RGPD3: variants seen among roughly 807,000 people sequenced by gnomAD.
The protein encoded by RGPD3 is RANBP2 like and GRIP domain containing 3, also known as ranBP2-like and GRIP domain-containing protein 3.
In RGPD3, 62 loss-of-function variants were observed where a neutral mutation model predicts 154.5. The observed-to-expected ratio is 0.40, with a 90% confidence interval of 0.33 to 0.50. The LOEUF (loss-of-function observed/expected upper bound fraction) is 0.50. RGPD3 is among the 20% of genes least tolerant of loss of function. The pLI, the probability that RGPD3 is intolerant of heterozygous loss-of-function variation, is 0.59. For synonymous variants in RGPD3, 308 were observed against 607.0 expected (o/e 0.51, Z 7.24); for missense variants, 919 against 1,716.8 (o/e 0.54, Z 8.21).
At chr2:106,468,186 G>T (rs556201525) in intron 1 of RGPD3, 31 bp downstream of exon 1, 1 of 1,584,354 alleles carries the variant, frequency 6.3e-7, no homozygotes. Flanking sequence ...CGGCCAGGTC[G>T]AGGCCGTCGG....
At chr2:106,466,475 C>G (rs1378613346) in intron 1 of RGPD3, among the ~76,000 whole-genome samples, 1 of 131,344 alleles carries the variant, frequency 7.6e-6, no homozygotes, top group Non-Finnish European at 1.7e-5. Flanking sequence ...TCGAGGCCGG[C>G]GCCTCAACAG....
chr2:106,449,826 G>C (rs1678055175), intron 6 of RGPD3, among the ~76,000 whole-genome samples: 1 of 151,614 alleles, frequency 6.6e-6, no homozygotes, highest in Non-Finnish European at 1.5e-5. Flanking sequence ...GACCATCCTG[G>C]CTAACACAGT....
intron 1 of RGPD3, among the ~76,000 whole-genome samples, chr2:106,464,245 G>A: frequency 6.6e-6 from 1 of 151,630 alleles, no homozygotes; most frequent in East Asian, 1.9e-4. Context: ...ACAGGCTGGG[G>A]CAGGAGAATG....
intron 18 of RGPD3, among the ~76,000 whole-genome samples, chr2:106,427,079 T>C (rs1677222181): frequency 6.6e-6 from 1 of 150,934 alleles, no homozygotes; most frequent in Admixed American, 6.6e-5. Context: ...AAAAAAAAAA[T>C]CTTAGTCTGA....
intron 22 of RGPD3, among the ~76,000 whole-genome samples, chr2:106,411,445 T>G (rs1321343957): frequency 7.0e-6 from 1 of 142,036 alleles, no homozygotes; most frequent in Non-Finnish European, 1.5e-5. Context: ...AACCCAAATA[T>G]AGAACTGCTA....
chr2:106,439,101 G>C lies in RGPD3; in HGVS notation c.1143C>G (p.Ser381Arg). The C allele has an allele frequency of 5.2e-6, 1 of 191,112 alleles. No homozygotes were observed. Among genetic ancestry groups the C allele is most frequent in the South Asian group, 4.7e-5 (1 of 21,154 alleles). 11.8% of individuals were successfully genotyped at this position (191,112 alleles called of 1,614,324 possible). The change falls in exon 9 of 23, where the codon AGC becomes AGG. Residue 381 changes from serine (S) to arginine (R), a missense_variant. Coordinates refer to ENST00000409886, the MANE Select transcript of RGPD3 (RefSeq NM_001144013.2). ...GAGCATCATATAATGCAGACTGCCC[G>C]CTTTTGTTGGCAAAAGTTTCAACAA... Reference protein sequence around the residue: ...KVVVETFANKSGQSALYDALF... With the variant: ...KVVVETFANKRGQSALYDALF...
chr2:106,468,052 G>C (rs571381135), intron 1 of RGPD3, among the ~76,000 whole-genome samples, 165 bp downstream of exon 1: 3 of 141,822 alleles, frequency 2.1e-5, no homozygotes, highest in South Asian at 4.4e-4. Flanking sequence ...CTGAGCCATC[G>C]AGGCCGCCGC....
intron 15 of RGPD3, 110 bp downstream of exon 15, chr2:106,434,118 A>T: frequency 6.3e-7 from 1 of 1,585,278 alleles, no homozygotes; most frequent in Non-Finnish European, 8.6e-7. Context: ...GTGCATTAAT[A>T]ACAACATATT....
At position 106,414,294 on chromosome 2, in the gene RGPD3, G is replaced by C. The variant is rs1222678682; in HGVS notation, c.5065-1009C>G. Among the ~76,000 whole-genome samples the C allele has an allele frequency of 2.0e-5, 3 of 152,246 alleles. No individual in the cohort carries two copies. The East Asian group carries it at 5.8e-4, about 29-fold the overall frequency. On this transcript the variant is annotated intron_variant, in intron 21 of 22. Coordinates refer to ENST00000409886, the MANE Select transcript of RGPD3 (RefSeq NM_001144013.2). ...CATTTAAAAAAGTGACAATAAAGAA[G>C]ATGAAGAAATCATGAAGAGAGTATA... is the stretch of plus-strand genomic sequence containing the variant.
chr2:106,441,527 T>C lies in RGPD3; in HGVS notation c.979-147A>G, dbSNP rs1677741086. 2.3e-6 allele frequency: 3 copies of C among 1,296,882 alleles called. No individual in the cohort carries two copies. In the South Asian group the frequency reaches 4.6e-5, roughly 20 times the overall value. 80.3% of individuals were successfully genotyped at this position (1,296,882 alleles called of 1,614,324 possible). On this transcript the variant is annotated intron_variant, in intron 7 of 22. Transcript: ENST00000409886. ...CTGAATTGGAAAAGACTGCAAAAAC[T>C]GGGAACCAAGGAATTTGTATAACCT...
At chr2:106,462,118 T>TA (rs761404028) in intron 1 of RGPD3, among the ~76,000 whole-genome samples, 2 of 152,152 alleles carry the variant, frequency 1.3e-5, no homozygotes, top group Non-Finnish European at 2.9e-5. Flanking sequence ...CTCGACCTTG[T>TA]AATCTGACTT....
At position 106,462,110 on chromosome 2, in the gene RGPD3, C is replaced by T. The variant is rs186201808; in HGVS notation, c.73-2778G>A. On this transcript the variant is annotated intron_variant, in intron 1 of 22. Coordinates refer to ENST00000409886, the MANE Select transcript of RGPD3 (RefSeq NM_001144013.2). Reference sequence around the variant, plus strand: ...TGTTGGCCAGATGGTGTCGCTCTCTCGACCTTGTAATCTGACTTCCTCCGC... The same window carrying T: ...TGTTGGCCAGATGGTGTCGCTCTCTTGACCTTGTAATCTGACTTCCTCCGC... 2.6e-3 allele frequency among the ~76,000 whole-genome samples: 395 copies of T among 152,246 alleles called. 3 individuals are homozygous for T. The highest frequency in any genetic ancestry group is 9.2e-3 in the African/African-American group (384 of 41,542).
intron 20 of RGPD3, among the ~76,000 whole-genome samples, chr2:106,421,728 C>T (rs1414320286): frequency 2.2e-4 from 34 of 152,010 alleles, no homozygotes; most frequent in African/African-American, 8.2e-4. Flanking sequence ...TACAGGGACA[C>T]TCTTCCATAC....
rs929220962 is a variant in RGPD3, at chr2:106,468,292, GCCA to G, written c.-7_-5del. 7.5e-6 allele frequency: 12 copies of G among 1,603,748 alleles called. 2 individuals carry two copies. The African/African-American group carries it at 1.6e-4, about 21-fold the overall frequency. ...CGTAGGCCTTGCTGCAACTCATCGC[GCCA>G]CCAACCTGGCTCCCGAGATGCGTGA... On this transcript the variant is annotated 5_prime_UTR_variant, in exon 1 of 23. Transcript: ENST00000409886.
intron 6 of RGPD3, among the ~76,000 whole-genome samples, chr2:106,451,626 C>T (rs1007583062): frequency 1.5e-4 from 23 of 151,036 alleles, no homozygotes; most frequent in African/African-American, 5.1e-4. Flanking sequence ...AATCAACAAC[C>T]CCTGCTCTAA....
At chr2:106,470,107 T>C (rs1678778235), upstream of RGPD3, among the ~76,000 whole-genome samples, 1 of 152,184 alleles carries the variant, frequency 6.6e-6, no homozygotes, top group African/African-American at 2.4e-5. Context: ...AAGGAAATAA[T>C]TAATACTAAT....
intron 17 of RGPD3, among the ~76,000 whole-genome samples, chr2:106,432,180 C>T (rs1388083868): frequency 6.7e-6 from 1 of 148,854 alleles, no homozygotes; most frequent in Non-Finnish European, 1.5e-5. Context: ...GGGCTGGGTG[C>T]GGTGGTTTAC....
In RGPD3 at chr2:106,404,027, G is replaced by A. The variant is rs1454910507; in HGVS notation, c.*1192C>T. Among the ~76,000 whole-genome samples the A allele has an allele frequency of 6.6e-6, 1 of 152,124 alleles. No homozygotes were observed. The highest frequency in any genetic ancestry group is 1.5e-5 in the Non-Finnish European group (1 of 68,048). ...ATCTAGTCATTAAAACATATGCAGC[G>A]GTGTCAAAGGCAAGTAACACTACCA... On this transcript the variant is annotated 3_prime_UTR_variant, in exon 23 of 23. Transcript: ENST00000409886.
intron 7 of RGPD3, among the ~76,000 whole-genome samples, chr2:106,441,825 T>C (rs900343808): frequency 1.5e-5 from 2 of 131,880 alleles, no homozygotes; most frequent in African/African-American, 6.0e-5. Context: ...GACTGTGCCA[T>C]TGCACTCCGG....
Sources: allele counts gnomAD v4.1 joint callset (sites outside exome capture counted in the v4.1 genomes callset), GRCh38; gene constraint gnomAD v4.1.1; transcripts MANE v1.5; gene names NCBI Gene and HGNC (gene_info 2026-07-23, HGNC 2026-07-21).